Variants in FSTL1 observed in about 807,000 individuals in gnomAD.
FSTL1 encodes follistatin-related protein 1.
FSTL1 carries 24 observed loss-of-function variants against 45.9 expected under a neutral mutation model. That is an observed-to-expected ratio of 0.52 (90% CI 0.38 to 0.74). FSTL1 has a LOEUF of 0.74. Ranked by LOEUF, FSTL1 falls within the 30% of genes least tolerant of loss-of-function variation. FSTL1 has a pLI of 0.00. For synonymous variants in FSTL1, 120 were observed against 137.6 expected, an observed-to-expected ratio of 0.87 and a Z score of 0.89; for missense variants, 340 against 381.8, an observed-to-expected ratio of 0.89 and a Z score of 0.91.
intron 4 of FSTL1, 193 bp from the exon 5 acceptor site, chr3:120,411,177 C>A: frequency 1.9e-6 from 1 of 526,572 alleles, no homozygotes. Flanking sequence ...CCTGCTTTGT[C>A]TGACAATTTA....
rs939500 is a variant in FSTL1 at position 120,419,849 on chromosome 3, G to C, written c.64-3822C>G. ...GGGGATGACAAGGGCCTAGGACCCA[G>C]GGCCAATGTTAATTTTAGCACCTTC... On this transcript the variant is annotated intron_variant, in intron 2 of 10. Transcript: ENST00000295633. Among the ~76,000 whole-genome samples the C allele has an allele frequency of 9.2e-3, 1,404 of 152,118 alleles. 12 individuals carry two copies. Among genetic ancestry groups the C allele is most frequent in the Non-Finnish European group, 0.014 (983 of 67,996 alleles).
At chr3:120,411,738 A>T in intron 4 of FSTL1, 116 bp downstream of exon 4, 1 of 939,928 alleles carries the variant, frequency 1.1e-6, no homozygotes. Flanking sequence ...CGCTTTCCAC[A>T]GCTTTGAGAG....
intron 2 of FSTL1, among the ~76,000 whole-genome samples, chr3:120,443,995 T>C (rs1426913253): frequency 1.3e-5 from 2 of 150,020 alleles, no homozygotes; most frequent in Non-Finnish European, 2.9e-5. Flanking sequence ...CAAGAGCAAC[T>C]GTTTACTTCA....
chr3:120,399,391 GA>G (rs1936771172), intron 10 of FSTL1, among the ~76,000 whole-genome samples: 1 of 152,224 alleles, frequency 6.6e-6, no homozygotes, highest in Non-Finnish European at 1.5e-5. Context: ...TAGCCAGACT[GA>G]TGTTGAACTT....
intron 9 of FSTL1, among the ~76,000 whole-genome samples, chr3:120,402,088 C>T (rs1033825237): frequency 4.6e-5 from 7 of 152,142 alleles, no homozygotes; most frequent in African/African-American, 1.7e-4. Context: ...CCAGTGGTTC[C>T]AACATACCCT....
intron 9 of FSTL1, among the ~76,000 whole-genome samples, chr3:120,401,161 A>G (rs1936818465): frequency 6.6e-6 from 1 of 152,232 alleles, no homozygotes; most frequent in South Asian, 2.1e-4. Flanking sequence ...GAAGACAAGT[A>G]TAGGATGCTT....
intron 2 of FSTL1, chr3:120,438,200 C>T (rs1937591003): frequency 6.6e-6 from 1 of 152,130 alleles, no homozygotes; most frequent in African/African-American, 2.4e-5. Context: ...GTTTTGTTTG[C>T]TTTTGTTTTT....
intron 6 of FSTL1, among the ~76,000 whole-genome samples, chr3:120,408,147 G>A (rs911004820): frequency 5.9e-5 from 9 of 152,312 alleles, no homozygotes; most frequent in African/African-American, 1.4e-4. Context: ...TTTACCATTC[G>A]CTCAGCTTTT....
At chr3:120,426,300 A>G (rs1937378877) in intron 2 of FSTL1, among the ~76,000 whole-genome samples, 1 of 151,976 alleles carries the variant, frequency 6.6e-6, no homozygotes, top group South Asian at 2.1e-4. Context: ...CTGGGCCAAC[A>G]TCCCTACACA....
intron 7 of FSTL1, among the ~76,000 whole-genome samples, chr3:120,403,956 C>CA (rs1263684875): frequency 7.0e-4 from 36 of 51,454 alleles, no homozygotes; most frequent in South Asian, 2.3e-3. Flanking sequence ...AAAAACAAAA[C>CA]AAAACAAAAA....
intron 3 of FSTL1, among the ~76,000 whole-genome samples, chr3:120,414,026 G>A (rs375766337): frequency 7.9e-5 from 12 of 151,700 alleles, no homozygotes; most frequent in East Asian, 5.8e-4. Context: ...CAAGTGATCC[G>A]CCAGCCTCGG....
At chr3:120,443,365 A>G (rs575463726) in intron 2 of FSTL1, among the ~76,000 whole-genome samples, 2 of 149,808 alleles carry the variant, frequency 1.3e-5, no homozygotes, top group South Asian at 2.1e-4. Flanking sequence ...AGGGATCTGT[A>G]TGGTAAGGCT....
chr3:120,412,025 A>T (rs969975605), intron 3 of FSTL1, 42 bp from the exon 4 acceptor site: 1 of 1,569,578 alleles, frequency 6.4e-7, no homozygotes, highest in Non-Finnish European at 8.7e-7. Context: ...AGTTATGGAT[A>T]TCGACACACA....
Position 120,403,276 on chromosome 3 carries a change from C to T in FSTL1, c.660G>A (p.Lys220=), listed in dbSNP as rs1292419565. 3 of 1,610,500 alleles carry T rather than the reference C, an allele frequency of 1.9e-6. No homozygotes were observed. The highest frequency in any genetic ancestry group is 8.5e-7 in the Non-Finnish European group (1 of 1,176,816). Residue 220 remains lysine, a synonymous_variant, in exon 8 of 11, where the codon AAG becomes AAA. Coordinates refer to ENST00000295633, the MANE Select transcript of FSTL1 (RefSeq NM_007085.5). ...DWKLSFQEFL[K]CLNPSFNPPE... is the part of the protein sequence containing the mutation. ...GAGGGTTGAAAGATGGGTTGAGGCA[C>T]TTGAGAAACTCTTGGAAGCTGAGTT...
intron 2 of FSTL1, among the ~76,000 whole-genome samples, chr3:120,424,689 T>C (rs1350518817): frequency 1.3e-5 from 2 of 152,052 alleles, no homozygotes; most frequent in African/African-American, 4.8e-5. Context: ...AAGAGAGATC[T>C]CTACAGAATA....
chr3:120,402,777 G>GT, intron 9 of FSTL1, 31 bp downstream of exon 9: 3 of 1,293,408 alleles, frequency 2.3e-6, no homozygotes, highest in Non-Finnish European at 3.4e-6. Context: ...TCTCCTTGCT[G>GT]TTTTTTCTTT....
chr3:120,397,410 T>C (rs940527711), intron 10 of FSTL1, among the ~76,000 whole-genome samples: 1 of 152,208 alleles, frequency 6.6e-6, no homozygotes, highest in African/African-American at 2.4e-5. Flanking sequence ...TGGGTGACCT[T>C]GGGCATATTA....
chr3:120,409,670 A>C lies in FSTL1; in HGVS notation c.332-8T>G, dbSNP rs201141663. The C allele has an allele frequency of 6.2e-7, 1 of 1,613,774 alleles. No homozygotes were observed. The highest frequency in any genetic ancestry group is 8.5e-7 in the Non-Finnish European group (1 of 1,179,764). On this transcript the variant is annotated splice_polypyrimidine_tract_variant and splice_region_variant and intron_variant, in intron 5 of 10. Transcript: ENST00000295633. ...TGGACTGATAGCAAACAACTGCAGG[A>C]AAGTGGAGGATGTCAGCTGGAGCAG...
At chr3:120,412,770 C>T (rs1010091484) in intron 3 of FSTL1, among the ~76,000 whole-genome samples, 1 of 151,060 alleles carries the variant, frequency 6.6e-6, no homozygotes, top group African/African-American at 2.4e-5. Context: ...GAGCTGAGAG[C>T]TGGGAATGTG....
Sources: gnomAD v4.1 joint callset for allele counts (sites outside exome capture counted in the v4.1 genomes callset) on GRCh38, gnomAD v4.1.1 for gene constraint, MANE v1.5 for transcripts, NCBI Gene and HGNC (gene_info 2026-07-23, HGNC 2026-07-21) for gene names.